CTNNA3: variants seen among roughly 807,000 people sequenced by gnomAD.
CTNNA3 encodes the protein catenin alpha 3.
In CTNNA3, 76 loss-of-function variants were observed where a neutral mutation model predicts 95.7. The observed-to-expected ratio is 0.79, with a 90% CI of 0.66 to 0.96. The LOEUF is 0.96. Among genes scored for constraint, CTNNA3 ranks in the 40% least tolerant of loss-of-function variants. The probability of loss-of-function intolerance (pLI) is 0.00; values close to 1 mark genes in which losing one functional copy is unlikely to be tolerated. For missense variants in CTNNA3, 1,191 were observed against 1,089.8 expected (o/e 1.09, Z -1.31); for synonymous variants, 431 against 374.4 (o/e 1.15, Z -1.74).
At chr10:66,044,238 G>A (rs911025344) in intron 15 of CTNNA3, among the ~76,000 whole-genome samples, 2 of 152,236 alleles carry the variant, frequency 1.3e-5, no homozygotes, top group South Asian at 4.1e-4. Context: ...GTGATCTACC[G>A]CCTTGGCCTC....
chr10:66,168,356 T>C (rs908817359), intron 13 of CTNNA3, among the ~76,000 whole-genome samples: 6 of 48,426 alleles, frequency 1.2e-4, no homozygotes, highest in African/African-American at 4.2e-4. Context: ...ATCCATTTAT[T>C]ATTTTTTTTT....
chr10:66,346,992 C>T (rs962344650), intron 12 of CTNNA3, among the ~76,000 whole-genome samples: 3 of 151,782 alleles, frequency 2.0e-5, no homozygotes, highest in East Asian at 3.9e-4. Flanking sequence ...AAAAAAATGC[C>T]TCACAAAAAG....
intron 9 of CTNNA3, among the ~76,000 whole-genome samples, chr10:66,687,712 T>TACAC (rs1331509356): frequency 2.1e-5 from 2 of 96,688 alleles, no homozygotes; most frequent in African/African-American, 5.6e-5. Flanking sequence ...TATATATATA[T>TACAC]ATATATACAC....
At chr10:66,495,642 G>GTGTTGT (rs139573189) in intron 11 of CTNNA3, among the ~76,000 whole-genome samples, 2 of 151,588 alleles carry the variant, frequency 1.3e-5, no homozygotes, top group Non-Finnish European at 2.9e-5. Context: ...TCATTTTGGG[G>GTGTTGT]TGTTGTTGTT....
chr10:66,888,281 G>A (rs910599085), intron 7 of CTNNA3, among the ~76,000 whole-genome samples: 2 of 152,132 alleles, frequency 1.3e-5, no homozygotes, highest in Admixed American at 6.6e-5. Context: ...ACAACCACTT[G>A]GAACTGAATT....
At chr10:66,926,927 A>G (rs781633121) in intron 7 of CTNNA3, 9 of 1,560,952 alleles carry the variant, frequency 5.8e-6, no homozygotes, top group African/African-American at 2.8e-5. Flanking sequence ...CCAGGTTTCA[A>G]TGTAATTAGG....
chr10:66,246,330 T>G (rs1357329314), intron 13 of CTNNA3, among the ~76,000 whole-genome samples: 2 of 150,894 alleles, frequency 1.3e-5, no homozygotes, highest in African/African-American at 4.9e-5. Flanking sequence ...GGTTGGGGGG[T>G]GGGGCTCCTG....
chr10:66,773,091 G>A (rs1840159974), intron 8 of CTNNA3, among the ~76,000 whole-genome samples: 4 of 152,134 alleles, frequency 2.6e-5, no homozygotes, highest in Admixed American at 2.6e-4. Flanking sequence ...TACCAAAAAT[G>A]TAAACATCAG....
chr10:66,441,854 A>G (rs1421716785), intron 11 of CTNNA3, among the ~76,000 whole-genome samples: 1 of 152,182 alleles, frequency 6.6e-6, no homozygotes. Flanking sequence ...TAGACTTCTG[A>G]TTTCTGGAGA....
chr10:66,289,950 G>T (rs1248106209), intron 12 of CTNNA3, among the ~76,000 whole-genome samples: 1 of 151,942 alleles, frequency 6.6e-6, no homozygotes, highest in African/African-American at 2.4e-5. Context: ...GATTCCATAA[G>T]TTTCTTCACA....
chr10:66,351,042 T>C (rs2092563172), intron 12 of CTNNA3, among the ~76,000 whole-genome samples: 1 of 152,086 alleles, frequency 6.6e-6, no homozygotes, highest in Non-Finnish European at 1.5e-5. Context: ...CATTATTTTC[T>C]TTGAAAATAA....
At chr10:66,687,423 T>C (rs1264059808) in intron 9 of CTNNA3, among the ~76,000 whole-genome samples, 1 of 152,104 alleles carries the variant, frequency 6.6e-6, no homozygotes, top group Non-Finnish European at 1.5e-5. Flanking sequence ...TTTTAAGAAA[T>C]ACCTGTAAAT....
At chr10:67,500,179 T>G (rs1298004583) in intron 5 of CTNNA3, among the ~76,000 whole-genome samples, 2 of 152,244 alleles carry the variant, frequency 1.3e-5, no homozygotes, top group African/African-American at 4.8e-5. Context: ...CTGCCTTACT[T>G]TGGTTATTTA....
chr10:67,393,307 G>A (rs188651077), intron 5 of CTNNA3, among the ~76,000 whole-genome samples: 1 of 152,014 alleles, frequency 6.6e-6, no homozygotes, highest in African/African-American at 2.4e-5. Context: ...ATGTGGCAAA[G>A]GGCCCTTGCT....
At chr10:67,201,464 TTA>T (rs1162240103) in intron 6 of CTNNA3, among the ~76,000 whole-genome samples, 4 of 151,824 alleles carry the variant, frequency 2.6e-5, no homozygotes, top group African/African-American at 7.3e-5. Context: ...TTTTTTTTTA[TTA>T]TTTTTTTATT....
chr10:66,924,570 A>C (rs1846959067), intron 7 of CTNNA3, among the ~76,000 whole-genome samples: 1 of 152,340 alleles, frequency 6.6e-6, no homozygotes, highest in East Asian at 1.9e-4. Flanking sequence ...TCATCAAAGA[A>C]GGCAAGACTG....
At chr10:66,602,101 T>C (rs1051273570) in intron 10 of CTNNA3, among the ~76,000 whole-genome samples, 1 of 151,882 alleles carries the variant, frequency 6.6e-6, no homozygotes, top group Admixed American at 6.6e-5. Context: ...ATTGCTTAGA[T>C]TTGTATAAGG....
chr10:66,603,275 AGT>A (rs886674865), intron 10 of CTNNA3, among the ~76,000 whole-genome samples: 8 of 152,154 alleles, frequency 5.3e-5, no homozygotes, highest in South Asian at 4.1e-4. Context: ...AAAAATTAAT[AGT>A]GTGTCTGCAA....
At chr10:67,028,648 TA>T (rs35905009) in intron 7 of CTNNA3, among the ~76,000 whole-genome samples, 75,659 of 142,146 alleles carry the variant, frequency 0.53, 20,078 homozygotes, top group Middle Eastern at 0.67. Flanking sequence ...TAGTTCTACT[TA>T]AAAAAAAAAA....
Sources: allele counts gnomAD v4.1 joint callset (sites outside exome capture counted in the v4.1 genomes callset), GRCh38; gene constraint gnomAD v4.1.1; transcripts MANE v1.5; gene names NCBI Gene and HGNC (gene_info 2026-07-23, HGNC 2026-07-21).